Variants in ERBB4 observed in about 807,000 individuals in gnomAD.
The protein encoded by ERBB4 is erb-b2 receptor tyrosine kinase 4, also known as receptor tyrosine-protein kinase erbB-4.
In ERBB4, 42 loss-of-function variants were observed where a neutral mutation model predicts 158.0. The ratio of observed to expected loss-of-function variants is 0.27; its 90% CI spans 0.21 to 0.34. The LOEUF is 0.34. Ranked by LOEUF, ERBB4 falls within the 10% of genes least tolerant of loss-of-function variation. The probability of loss-of-function intolerance (pLI) is 1.00; values close to 1 mark genes in which losing one functional copy is unlikely to be tolerated. For synonymous variants in ERBB4, 583 were observed against 558.7 expected, an observed-to-expected ratio of 1.04 and a Z score of -0.61; for missense variants, 1,333 against 1,624.1, an observed-to-expected ratio of 0.82 and a Z score of 3.08.
chr2:212,293,503 T>C (rs2086283851), intron 1 of ERBB4, among the ~76,000 whole-genome samples: 1 of 152,040 alleles, frequency 6.6e-6, no homozygotes, highest in African/African-American at 2.4e-5. Flanking sequence ...CATCATCATA[T>C]ACAATTTTCT....
At chr2:211,623,039 ATATAT>A (rs2069692251) in intron 18 of ERBB4, among the ~76,000 whole-genome samples, 1 of 106,796 alleles carries the variant, frequency 9.4e-6, no homozygotes, top group South Asian at 3.3e-4. Context: ...ATATATATAT[ATATAT>A]AAAATGCCAA....
chr2:211,428,331 G>A, intron 22 of ERBB4, 77 bp downstream of exon 22: 1 of 839,336 alleles, frequency 1.2e-6, no homozygotes, highest in Non-Finnish European at 2.1e-6. Context: ...AAATAATTTA[G>A]CTTAAGATAT....
intron 2 of ERBB4, among the ~76,000 whole-genome samples, chr2:211,992,752 C>A (rs1472299037): frequency 6.6e-6 from 1 of 152,106 alleles, no homozygotes; most frequent in African/African-American, 2.4e-5. Context: ...ACCAGGAAAT[C>A]ATTTGAGTTT....
At chr2:211,480,820 G>A (rs1017957868) in intron 20 of ERBB4, among the ~76,000 whole-genome samples, 6 of 152,192 alleles carry the variant, frequency 3.9e-5, no homozygotes, top group African/African-American at 1.4e-4. Flanking sequence ...TTTGAGGGAA[G>A]TAGCTTCCAT....
intron 2 of ERBB4, among the ~76,000 whole-genome samples, chr2:211,973,857 T>TA (rs200034367): frequency 3.3e-5 from 5 of 151,686 alleles, no homozygotes; most frequent in Middle Eastern, 3.4e-3. Context: ...ATAGACTGGA[T>TA]AAAAAAAATG....
intron 1 of ERBB4, among the ~76,000 whole-genome samples, chr2:212,446,626 T>TATAATAGG (rs1560347771): frequency 1.5e-4 from 13 of 84,312 alleles, no homozygotes; most frequent in African/African-American, 5.5e-4. Flanking sequence ...TATATATATA[T>TATAATAGG]ATATATATAT....
chr2:211,428,110 G>A (rs916480950), intron 22 of ERBB4, among the ~76,000 whole-genome samples: 1 of 151,430 alleles, frequency 6.6e-6, no homozygotes, highest in Non-Finnish European at 1.5e-5. Context: ...ATGCATGCAG[G>A]GCTTAAAACC....
intron 15 of ERBB4, among the ~76,000 whole-genome samples, chr2:211,662,982 T>C (rs571856650): frequency 5.3e-5 from 8 of 152,310 alleles, no homozygotes; most frequent in Admixed American, 3.9e-4. Context: ...GATTATTACA[T>C]GTGTTTAGGA....
intron 1 of ERBB4, among the ~76,000 whole-genome samples, chr2:212,363,296 A>T (rs553043487): frequency 1.3e-3 from 193 of 151,534 alleles, no homozygotes; most frequent in Middle Eastern, 6.8e-3. Context: ...TAAGGAAATG[A>T]TCACTTTTGT....
intron 1 of ERBB4, among the ~76,000 whole-genome samples, chr2:212,526,641 C>G (rs1692462145): frequency 6.6e-6 from 1 of 151,690 alleles, no homozygotes; most frequent in South Asian, 2.1e-4. Context: ...TTTATTGTTT[C>G]TTAAATTTGT....
intron 3 of ERBB4, among the ~76,000 whole-genome samples, chr2:211,804,080 C>T (rs2076559275): frequency 6.6e-6 from 1 of 152,184 alleles, no homozygotes; most frequent in African/African-American, 2.4e-5. Context: ...CAGAATATCA[C>T]ACTTCCACTG....
At chr2:211,485,861 AAAG>A (rs199816954) in intron 20 of ERBB4, among the ~76,000 whole-genome samples, 2,119 of 143,476 alleles carry the variant, frequency 0.015, 52 homozygotes, top group African/African-American at 0.05. Flanking sequence ...TATAATAAAA[AAAG>A]AAAAAGAAAA....
rs13025766 is a variant in ERBB4 at position 211,849,891 on chromosome 2, T to A, written c.422-61732A>T. ...CAAATAGCATGTTTGGTTTTAATAA[T>A]GACTATAGGATAAAACCACAAATTA... On this transcript the variant is annotated intron_variant, in intron 3 of 27. Coordinates refer to ENST00000342788, the MANE Select transcript of ERBB4 (RefSeq NM_005235.3). Among the ~76,000 whole-genome samples the A allele has an allele frequency of 6.4e-3, 973 of 151,876 alleles. 12 individuals carry two copies. The highest frequency in any genetic ancestry group is 0.022 in the African/African-American group (916 of 41,490).
At chr2:212,309,194 TC>T (rs1357220306) in intron 1 of ERBB4, among the ~76,000 whole-genome samples, 1 of 150,896 alleles carries the variant, frequency 6.6e-6, no homozygotes, top group Non-Finnish European at 1.5e-5. Context: ...GTTAACACCC[TC>T]TGATTTGAGA....
intron 1 of ERBB4, among the ~76,000 whole-genome samples, chr2:212,391,284 A>G (rs1194321224): frequency 6.6e-6 from 1 of 151,750 alleles, no homozygotes; most frequent in African/African-American, 2.4e-5. Context: ...GATTGTCTAT[A>G]TGATTAACAG....
intron 3 of ERBB4, among the ~76,000 whole-genome samples, chr2:211,876,278 A>G (rs2078498731): frequency 6.6e-6 from 1 of 152,132 alleles, no homozygotes; most frequent in South Asian, 2.1e-4. Flanking sequence ...TTTTGGATTT[A>G]TGTGTCAAAG....
intron 3 of ERBB4, among the ~76,000 whole-genome samples, chr2:211,880,134 C>T (rs2078623289): frequency 6.6e-6 from 1 of 151,846 alleles, no homozygotes; most frequent in Non-Finnish European, 1.5e-5. Context: ...TACAAACTTC[C>T]TTCTCTTACC....
intron 1 of ERBB4, among the ~76,000 whole-genome samples, chr2:212,335,186 C>T (rs376403386): frequency 5.8e-4 from 88 of 151,712 alleles, no homozygotes; most frequent in Middle Eastern, 6.8e-3. Flanking sequence ...TATATTTAAA[C>T]GATAAAGGTT....
rs780612909 is a variant in ERBB4 at position 212,538,492 on chromosome 2, A to C, written c.39T>G (p.Leu13=). ...PATGLWVWVS[L]LVAAGTVQPS... ...GCTGGACGGTCCCCGCCGCCACGAG[A>C]AGGCTCACCCAGACCCAAAGTCCTG... Residue 13 remains leucine (L), a synonymous_variant, in exon 1 of 28, where the codon CTT becomes CTG. Coordinates refer to ENST00000342788, the MANE Select transcript of ERBB4 (RefSeq NM_005235.3). 3 of 1,614,044 alleles carry C rather than the reference A, an allele frequency of 1.9e-6. No individual in the cohort carries two copies. The highest frequency in any genetic ancestry group is 1.7e-6 in the Non-Finnish European group (2 of 1,179,950).
Sources: allele counts gnomAD v4.1 joint callset (sites outside exome capture counted in the v4.1 genomes callset), GRCh38; gene constraint gnomAD v4.1.1; transcripts MANE v1.5; gene names NCBI Gene and HGNC (gene_info 2026-07-23, HGNC 2026-07-21).